Variants in KDM4C observed in about 807,000 individuals in gnomAD.
KDM4C encodes lysine-specific demethylase 4C.
Under a neutral mutation model 129.3 loss-of-function variants are expected in KDM4C, and 81 were observed. That is an observed-to-expected ratio of 0.63 (90% CI 0.52 to 0.75). KDM4C has a LOEUF of 0.75. Among genes scored for constraint, KDM4C ranks in the 30% least tolerant of loss-of-function variants. The pLI is 0.00. For synonymous variants in KDM4C, 573 were observed against 456.1 expected, an observed-to-expected ratio of 1.26 and a Z score of -3.26; for missense variants, 1,457 against 1,304.0, an observed-to-expected ratio of 1.12 and a Z score of -1.81.
intron 1 of KDM4C, chr9:6,748,588 T>A: frequency 1.7e-6 from 1 of 596,072 alleles, no homozygotes; most frequent in Non-Finnish European, 3.1e-6. Flanking sequence ...TTTATTGCCA[T>A]CTTGTAAAAA....
At chr9:6,988,743 G>A (rs953028822) in intron 11 of KDM4C, among the ~76,000 whole-genome samples, 5 of 151,898 alleles carry the variant, frequency 3.3e-5, no homozygotes, top group Middle Eastern at 3.4e-3. Flanking sequence ...GGAACACACC[G>A]AGTATGTTCT....
chr9:7,064,900 C>T (rs1281517861), intron 17 of KDM4C, among the ~76,000 whole-genome samples: 6 of 152,074 alleles, frequency 3.9e-5, no homozygotes, highest in African/African-American at 1.4e-4. Flanking sequence ...ACCCCATTCC[C>T]CTTTTGAAGT....
chr9:6,923,475 T>C (rs896529337), intron 8 of KDM4C, among the ~76,000 whole-genome samples: 5 of 152,242 alleles, frequency 3.3e-5, no homozygotes, highest in African/African-American at 4.8e-5. Flanking sequence ...GTGAATTGTA[T>C]TCTTGGATTT....
intron 17 of KDM4C, among the ~76,000 whole-genome samples, chr9:7,101,854 A>G (rs1837133613): frequency 6.6e-6 from 1 of 152,200 alleles, no homozygotes; most frequent in Non-Finnish European, 1.5e-5. Flanking sequence ...ACTGACCTCT[A>G]TGTTGTATAA....
intron 17 of KDM4C, among the ~76,000 whole-genome samples, chr9:7,073,805 G>A (rs1348756490): frequency 6.6e-6 from 1 of 152,174 alleles, no homozygotes; most frequent in Non-Finnish European, 1.5e-5. Flanking sequence ...ACTCTTGCCT[G>A]GTGTCAGATC....
chr9:7,131,535 C>G (rs1840642457), intron 19 of KDM4C, among the ~76,000 whole-genome samples: 1 of 152,166 alleles, frequency 6.6e-6, no homozygotes, highest in Non-Finnish European at 1.5e-5. Flanking sequence ...CCAGGCTGGT[C>G]TTGAACTCCC....
intron 8 of KDM4C, among the ~76,000 whole-genome samples, chr9:6,919,511 A>G (rs1324038776): frequency 6.8e-6 from 1 of 148,068 alleles, no homozygotes; most frequent in Admixed American, 6.9e-5. Flanking sequence ...AATTGCCTAT[A>G]TTTCATCTTT....
intron 8 of KDM4C, among the ~76,000 whole-genome samples, chr9:6,940,010 C>CTTCCTTCT (rs1825611106): frequency 1.5e-5 from 2 of 131,742 alleles, no homozygotes; most frequent in Admixed American, 1.5e-4. Flanking sequence ...TCCTTCCTTC[C>CTTCCTTCT]TTCCTTCCTT....
intron 19 of KDM4C, among the ~76,000 whole-genome samples, chr9:7,132,173 A>T (rs1472126521): frequency 6.6e-6 from 1 of 152,228 alleles, no homozygotes; most frequent in Non-Finnish European, 1.5e-5. Flanking sequence ...CAAGCTATTT[A>T]TCTATGTATG....
Position 6,906,828 on chromosome 9 carries a change from C to G in KDM4C, c.921+13596C>G, listed in dbSNP as rs115457363. On this transcript the variant is annotated intron_variant, in intron 8 of 21. Transcript: ENST00000381309. The stretch of plus-strand genomic sequence containing the variant: ...GTAGTTATTTGTGCACAGTTGTAGA[C>G]TCAAGTGAATTTTAAAATGAAATTG... Among the ~76,000 whole-genome samples, 928 of 152,248 alleles carry G rather than the reference C, an allele frequency of 6.1e-3. 14 individuals carry two copies. The highest frequency in any genetic ancestry group is 0.021 in the African/African-American group (875 of 41,542).
intron 17 of KDM4C, among the ~76,000 whole-genome samples, chr9:7,095,886 GT>G (rs1237492255): frequency 6.6e-6 from 1 of 152,214 alleles, no homozygotes; most frequent in Non-Finnish European, 1.5e-5. Flanking sequence ...GTAAGGATTT[GT>G]GTAAACAGTA....
intron 1 of KDM4C, among the ~76,000 whole-genome samples, chr9:6,779,813 C>G (rs192807687): frequency 6.6e-6 from 1 of 152,316 alleles, no homozygotes; most frequent in African/African-American, 2.4e-5. Flanking sequence ...TGCTGTTTTA[C>G]AAATACCAGA....
Position 6,936,045 on chromosome 9 carries a change from A to G in KDM4C, c.921+42813A>G, listed in dbSNP as rs568038662. ...CACATATTTTGCTTTGAATTTTTAC[A>G]AACAATTTTTTGTAACTTATTTGGC... On this transcript the variant is annotated intron_variant, in intron 8 of 21. Coordinates refer to ENST00000381309, the MANE Select transcript of KDM4C (RefSeq NM_015061.6). Among the ~76,000 whole-genome samples the G allele has an allele frequency of 4.6e-5, 7 of 152,324 alleles. No individual in the cohort carries two copies. In the East Asian group the frequency reaches 1.4e-3, roughly 29 times the overall value.
intron 12 of KDM4C, among the ~76,000 whole-genome samples, chr9:7,010,589 C>A (rs1193127430): frequency 6.6e-6 from 1 of 152,222 alleles, no homozygotes; most frequent in Non-Finnish European, 1.5e-5. Flanking sequence ...GAATGTGTCA[C>A]AGCCCTAGAC....
intron 13 of KDM4C, among the ~76,000 whole-genome samples, chr9:7,012,321 C>T (rs553174098): frequency 3.3e-5 from 5 of 152,146 alleles, no homozygotes; most frequent in East Asian, 3.9e-4. Context: ...TCAAGCAATC[C>T]TTCCGCTTTG....
At chr9:6,808,782 C>G (rs1030892106) in intron 3 of KDM4C, among the ~76,000 whole-genome samples, 15 of 151,296 alleles carry the variant, frequency 9.9e-5, no homozygotes, top group African/African-American at 3.6e-4. Context: ...CTAGCCTACA[C>G]TCAAGGGGAG....
At chr9:6,806,853 A>G (rs1418352774) in intron 3 of KDM4C, among the ~76,000 whole-genome samples, 2 of 149,262 alleles carry the variant, frequency 1.3e-5, no homozygotes, top group African/African-American at 5.1e-5. Flanking sequence ...GAAGTGACAC[A>G]CTGTTGCTCT....
intron 8 of KDM4C, among the ~76,000 whole-genome samples, chr9:6,915,676 A>G (rs1820178179): frequency 1.3e-5 from 2 of 152,210 alleles, no homozygotes; most frequent in African/African-American, 2.4e-5. Context: ...CTCGAATGCT[A>G]CAACAATTTG....
chr9:6,839,209 A>T (rs1164614376), intron 4 of KDM4C, among the ~76,000 whole-genome samples: 1 of 152,096 alleles, frequency 6.6e-6, no homozygotes, highest in Non-Finnish European at 1.5e-5. Context: ...ATACAAGTCA[A>T]ATGAGGAAAG....
Sources: allele counts gnomAD v4.1 joint callset (sites outside exome capture counted in the v4.1 genomes callset), GRCh38; gene constraint gnomAD v4.1.1; transcripts MANE v1.5; gene names NCBI Gene and HGNC (gene_info 2026-07-23, HGNC 2026-07-21).